Variants in RGS6 observed in about 807,000 individuals in gnomAD.
RGS6 encodes the protein regulator of G protein signaling 6, also known as regulator of G-protein signaling 6.
Under a neutral mutation model 78.5 loss-of-function variants are expected in RGS6, and 30 were observed. The observed-to-expected ratio is 0.38, with a 90% CI of 0.29 to 0.52. RGS6 has a LOEUF of 0.52. RGS6 is among the 20% of genes least tolerant of loss of function. The probability of loss-of-function intolerance (pLI) is 0.85; values close to 1 mark genes in which losing one functional copy is unlikely to be tolerated. For missense variants in RGS6, 495 were observed against 609.7 expected, an observed-to-expected ratio of 0.81 and a Z score of 1.98; for synonymous variants, 206 against 206.0, an observed-to-expected ratio of 1.00 and a Z score of 0.00.
intron 2 of RGS6, among the ~76,000 whole-genome samples, chr14:72,075,656 G>C (rs1006679869): frequency 1.3e-5 from 2 of 152,038 alleles, no homozygotes; most frequent in South Asian, 2.1e-4. Context: ...TTATTTACTT[G>C]TACAGTTTTT....
At chr14:72,086,772 T>C (rs1029678037) in intron 2 of RGS6, among the ~76,000 whole-genome samples, 1 of 152,216 alleles carries the variant, frequency 6.6e-6, no homozygotes, top group Non-Finnish European at 1.5e-5. Context: ...CTAGTTCCTT[T>C]GCAAGTAAGT....
At chr14:72,270,243 C>A (rs952295288) in intron 2 of RGS6, among the ~76,000 whole-genome samples, 1 of 142,076 alleles carries the variant, frequency 7.0e-6, no homozygotes, top group Admixed American at 7.3e-5. Context: ...TCTTCTGGCA[C>A]TCAGCCATGG....
At chr14:72,350,955 G>A (rs1566597436) in intron 2 of RGS6, among the ~76,000 whole-genome samples, 1 of 152,126 alleles carries the variant, frequency 6.6e-6, no homozygotes. Flanking sequence ...ATGATGTTAT[G>A]CCGTGCTCTA....
chr14:72,442,361 A>C (rs2095235395), intron 3 of RGS6, among the ~76,000 whole-genome samples: 1 of 152,052 alleles, frequency 6.6e-6, no homozygotes, highest in South Asian at 2.1e-4. Context: ...TCTAATACCC[A>C]CTGCTCAATC....
intron 2 of RGS6, among the ~76,000 whole-genome samples, chr14:72,173,803 A>G (rs1162234271): frequency 7.9e-5 from 12 of 152,094 alleles, no homozygotes; most frequent in Admixed American, 7.9e-4. Flanking sequence ...TGAAAGCTTT[A>G]TTTCATTTTC....
At chr14:72,400,230 A>G (rs76436536) in intron 3 of RGS6, among the ~76,000 whole-genome samples, 2,944 of 152,352 alleles carry the variant, frequency 0.019, 112 homozygotes, top group African/African-American at 0.066. Context: ...GGGGGCCAAT[A>G]TTCAACATTC....
chr14:72,174,326 G>A, intron 2 of RGS6, among the ~76,000 whole-genome samples: 1 of 152,138 alleles, frequency 6.6e-6, no homozygotes, highest in East Asian at 1.9e-4. Flanking sequence ...TCGAACTCCT[G>A]ACCTCAGGTG....
chr14:72,396,255 T>A lies in RGS6; in HGVS notation c.184+44061T>A, dbSNP rs147052537. On this transcript the variant is annotated intron_variant, in intron 3 of 17. Transcript: ENST00000553525. ...TGGTGTGAGATGGATGGTATCTCAT[T>A]GTGGTTTTGATTTGCATTTCTCTGA... Among the ~76,000 whole-genome samples, 1,171 of 152,334 alleles carry A rather than the reference T, an allele frequency of 7.7e-3. 38 individuals are homozygous for A. The highest frequency in any genetic ancestry group is 0.05 in the East Asian group (261 of 5,182).
intron 17 of RGS6, among the ~76,000 whole-genome samples, chr14:72,558,470 T>G (rs1365899818): frequency 6.6e-6 from 1 of 152,166 alleles, no homozygotes; most frequent in African/African-American, 2.4e-5. Flanking sequence ...GTAACCCAGA[T>G]AGTGCATGCT....
intron 2 of RGS6, among the ~76,000 whole-genome samples, chr14:72,055,010 T>C (rs967658995): frequency 6.6e-6 from 1 of 152,252 alleles, no homozygotes; most frequent in African/African-American, 2.4e-5. Flanking sequence ...TAGGTTATAC[T>C]ATGATTTATC....
intron 2 of RGS6, among the ~76,000 whole-genome samples, chr14:72,076,493 TA>T (rs1217496347): frequency 6.6e-6 from 1 of 152,222 alleles, no homozygotes; most frequent in Non-Finnish European, 1.5e-5. Flanking sequence ...GATTACTGGC[TA>T]AAAATATATG....
intron 13 of RGS6, among the ~76,000 whole-genome samples, chr14:72,508,594 A>C (rs1298871868): frequency 1.9e-5 from 1 of 53,100 alleles, no homozygotes; most frequent in South Asian, 6.2e-4. Context: ...TTTTTTTTTT[A>C]CTAAGTGGAA....
chr14:71,936,121 C>T (rs1486024922), intron 1 of RGS6, among the ~76,000 whole-genome samples: 2 of 144,194 alleles, frequency 1.4e-5, no homozygotes, highest in East Asian at 4.0e-4. Flanking sequence ...GTACATATAC[C>T]ATATATCTAT....
At chr14:72,329,653 G>A (rs1020920821) in intron 2 of RGS6, among the ~76,000 whole-genome samples, 1 of 152,224 alleles carries the variant, frequency 6.6e-6, no homozygotes, top group Non-Finnish European at 1.5e-5. Flanking sequence ...CCTGGTAAAG[G>A]TTCATTTAAG....
chr14:71,898,680 C>A, the RGS6 span, among the ~76,000 whole-genome samples: 4 of 152,140 alleles, frequency 2.6e-5, no homozygotes, highest in East Asian at 1.9e-4. Flanking sequence ...TCCCACCCCC[C>A]CGACAGGCCC....
the RGS6 span, among the ~76,000 whole-genome samples, chr14:71,883,377 T>G: frequency 3.5e-4 from 53 of 152,276 alleles, no homozygotes; most frequent in African/African-American, 1.2e-3. Flanking sequence ...ATTATTCAAA[T>G]TAGCTAAACC....
intron 15 of RGS6, among the ~76,000 whole-genome samples, chr14:72,521,562 CATG>C (rs1252907770): frequency 3.9e-5 from 6 of 152,224 alleles, no homozygotes; most frequent in Non-Finnish European, 8.8e-5. Flanking sequence ...CTAGACTAGA[CATG>C]AGGATGTCTT....
intron 2 of RGS6, among the ~76,000 whole-genome samples, chr14:72,191,637 G>A (rs2097327433): frequency 6.6e-6 from 1 of 152,310 alleles, no homozygotes; most frequent in African/African-American, 2.4e-5. Context: ...CACGAGAACA[G>A]CATGGGCAAG....
chr14:71,942,878 T>A (rs2090862579), intron 1 of RGS6, among the ~76,000 whole-genome samples: 1 of 152,260 alleles, frequency 6.6e-6, no homozygotes, highest in Non-Finnish European at 1.5e-5. Context: ...CATTCATTAA[T>A]AGCTCAGGCT....
Sources: allele counts gnomAD v4.1 joint callset (sites outside exome capture counted in the v4.1 genomes callset), GRCh38; gene constraint gnomAD v4.1.1; transcripts MANE v1.5; gene names NCBI Gene and HGNC (gene_info 2026-07-23, HGNC 2026-07-21).